Variants in DNAJC15 observed in about 807,000 individuals in gnomAD.
DNAJC15 encodes the protein dnaJ homolog subfamily C member 15.
DNAJC15 carries 27 observed loss-of-function variants against 22.4 expected under a neutral mutation model. That is an observed-to-expected ratio of 1.20 (90% CI 0.89 to 1.66). DNAJC15 has a LOEUF of 1.66. Ranked by LOEUF, DNAJC15 falls within the 40% of genes most tolerant of loss-of-function variation. The pLI is 0.00. For synonymous variants in DNAJC15, 79 were observed against 63.2 expected (o/e 1.25, Z -1.19); for missense variants, 208 against 187.1 (o/e 1.11, Z -0.65).
chr13:43,035,422 A>T (rs2153439583), intron 1 of DNAJC15, among the ~76,000 whole-genome samples: 1 of 152,324 alleles, frequency 6.6e-6, no homozygotes, highest in Admixed American at 6.5e-5. Context: ...CTTCAAGAGA[A>T]TGATTTTCAC....
At chr13:43,038,616 C>T (rs770423985) in intron 1 of DNAJC15, among the ~76,000 whole-genome samples, 6 of 151,962 alleles carry the variant, frequency 3.9e-5, no homozygotes, top group African/African-American at 7.3e-5. Flanking sequence ...CACAGTGAAA[C>T]TCTGTCTCTA....
chr13:43,066,246 GTTCTTTTTTTT>G (rs368087062), intron 2 of DNAJC15, among the ~76,000 whole-genome samples: 23 of 140,618 alleles, frequency 1.6e-4, no homozygotes, highest in African/African-American at 4.5e-4. Flanking sequence ...CGAAAGAATA[GTTCTTTTTTTT>G]TTCTTTTTTT....
chr13:43,053,947 T>A (rs1555274879), intron 1 of DNAJC15, among the ~76,000 whole-genome samples: 2 of 152,242 alleles, frequency 1.3e-5, no homozygotes, highest in Non-Finnish European at 2.9e-5. Flanking sequence ...CTTCTAGTAC[T>A]ATGTTGAATA....
chr13:43,109,781 G>A lies in DNAJC15; in HGVS notation c.*2533G>A, dbSNP rs1353972624. The A allele has an allele frequency of 6.6e-6, 1 of 152,100 alleles. No individual in the cohort carries two copies. The highest frequency in any genetic ancestry group is 1.5e-5 in the Non-Finnish European group (1 of 68,028). The allele number at this position is 152,100 out of a possible 1,614,324, so 9.4% of individuals were successfully genotyped here. ...TGTAAATGACAAGTTAATTGGTGCA[G>A]CACACCAACATGGCTCATGTCTACA... On this transcript the variant is annotated 3_prime_UTR_variant, in exon 6 of 6. Transcript: ENST00000379221.
chr13:43,089,806 CTA>C (rs148648617), intron 5 of DNAJC15, among the ~76,000 whole-genome samples: 2,050 of 152,218 alleles, frequency 0.013, 45 homozygotes, highest in African/African-American at 0.044. Flanking sequence ...TCGTCAATCT[CTA>C]TTTTTGATTT....
intron 1 of DNAJC15, among the ~76,000 whole-genome samples, chr13:43,052,256 C>G (rs2040508645): frequency 6.6e-6 from 1 of 152,036 alleles, no homozygotes; most frequent in Non-Finnish European, 1.5e-5. Context: ...AGCCACCACG[C>G]CCAGCCTATT....
At chr13:43,024,031 C>T (rs1184560924) in intron 1 of DNAJC15, among the ~76,000 whole-genome samples, 1 of 152,192 alleles carries the variant, frequency 6.6e-6, no homozygotes, top group Non-Finnish European at 1.5e-5. Context: ...TGTGGATTTT[C>T]CTATCTCATA....
At chr13:43,057,158 A>C (rs1203701299) in intron 1 of DNAJC15, among the ~76,000 whole-genome samples, 1 of 152,192 alleles carries the variant, frequency 6.6e-6, no homozygotes, top group Non-Finnish European at 1.5e-5. Context: ...GGTCTCTAGC[A>C]AGGCCAGGGA....
At chr13:43,069,088 G>T in intron 3 of DNAJC15, 85 bp downstream of exon 3, 1 of 1,316,458 alleles carries the variant, frequency 7.6e-7, no homozygotes, top group Non-Finnish European at 1.0e-6. Flanking sequence ...AAATGTCTTG[G>T]ATTTTCCAAT....
At chr13:43,047,363 G>A (rs558820769) in intron 1 of DNAJC15, among the ~76,000 whole-genome samples, 22 of 152,198 alleles carry the variant, frequency 1.4e-4, no homozygotes, top group Non-Finnish European at 2.9e-4. Flanking sequence ...GTACTGAAGA[G>A]TTTTGTTTGG....
At chr13:43,039,029 T>G (rs1319834906) in intron 1 of DNAJC15, among the ~76,000 whole-genome samples, 1 of 152,136 alleles carries the variant, frequency 6.6e-6, no homozygotes, top group African/African-American at 2.4e-5. Flanking sequence ...TTTTGTTGAG[T>G]GTGAGCTCAC....
intron 5 of DNAJC15, among the ~76,000 whole-genome samples, chr13:43,104,451 TTA>T (rs1192009533): frequency 1.3e-5 from 2 of 152,232 alleles, no homozygotes; most frequent in East Asian, 3.9e-4. Flanking sequence ...ACTGATGTGT[TTA>T]TATTTTATTT....
intron 5 of DNAJC15, among the ~76,000 whole-genome samples, chr13:43,103,520 A>G (rs926380328): frequency 6.6e-6 from 1 of 152,210 alleles, no homozygotes; most frequent in African/African-American, 2.4e-5. Flanking sequence ...GTTTATTGTT[A>G]TTTTAATCTT....
At chr13:43,041,214 T>G (rs930428206) in intron 1 of DNAJC15, among the ~76,000 whole-genome samples, 3 of 152,236 alleles carry the variant, frequency 2.0e-5, no homozygotes, top group African/African-American at 7.2e-5. Flanking sequence ...CAGGGTTTTG[T>G]GTCCCTGGGT....
At chr13:43,033,515 A>G (rs1455613435) in intron 1 of DNAJC15, among the ~76,000 whole-genome samples, 1 of 152,120 alleles carries the variant, frequency 6.6e-6, no homozygotes, top group African/African-American at 2.4e-5. Flanking sequence ...TTCTGTTCCA[A>G]GATCCCAACC....
intron 3 of DNAJC15, among the ~76,000 whole-genome samples, chr13:43,076,234 TGAA>T (rs1293774773): frequency 6.6e-6 from 1 of 152,228 alleles, no homozygotes; most frequent in Admixed American, 6.5e-5. Flanking sequence ...ATCTGTGTGA[TGAA>T]GGACAGTCCT....
intron 1 of DNAJC15, among the ~76,000 whole-genome samples, chr13:43,042,049 AGTG>A (rs2040456536): frequency 6.6e-6 from 1 of 152,190 alleles, no homozygotes; most frequent in African/African-American, 2.4e-5. Flanking sequence ...GCCTATCTAT[AGTG>A]TAGTAGGCCC....
chr13:43,031,369 A>G (rs1341989150), intron 1 of DNAJC15, among the ~76,000 whole-genome samples: 1 of 152,194 alleles, frequency 6.6e-6, no homozygotes, highest in Non-Finnish European at 1.5e-5. Context: ...TTAATTTTGT[A>G]GGAGTTGTGT....
intron 5 of DNAJC15, 146 bp downstream of exon 5, chr13:43,085,984 G>A (rs12428117): frequency 1.5e-6 from 1 of 679,740 alleles, no homozygotes; most frequent in Non-Finnish European, 2.4e-6. Context: ...TGAGCATTTA[G>A]GTTGGAGTTC....
Sources: allele counts gnomAD v4.1 joint callset (sites outside exome capture counted in the v4.1 genomes callset), GRCh38; gene constraint gnomAD v4.1.1; transcripts MANE v1.5; gene names NCBI Gene and HGNC (gene_info 2026-07-23, HGNC 2026-07-21).